MSN: variants seen among roughly 807,000 people sequenced by gnomAD.
MSN encodes the protein epididymis luminal protein 70.
In MSN, 2 loss-of-function variants were observed where a neutral mutation model predicts 48.0. The observed-to-expected ratio is 0.04, with a 90% CI of 0.02 to 0.13. The LOEUF (loss-of-function observed/expected upper bound fraction) is 0.13, where lower values mean the gene tolerates loss of function less well. Among genes scored for constraint, MSN ranks in the 10% least tolerant of loss-of-function variants. The pLI is 1.00. For missense variants in MSN, 267 were observed against 470.1 expected (o/e 0.57, Z 3.99); for synonymous variants, 146 against 166.9 (o/e 0.87, Z 0.97).
At chrX:65,600,395 G>T (rs1475434407) in intron 1 of MSN, among the ~76,000 whole-genome samples, 2 of 111,796 alleles carry the variant, frequency 1.8e-5, no homozygotes, top group Non-Finnish European at 3.8e-5. Flanking sequence ...TGGTTAAACT[G>T]ATCGGCTAAA....
intron 1 of MSN, among the ~76,000 whole-genome samples, chrX:65,593,676 C>T (rs999413360): frequency 2.7e-5 from 3 of 111,804 alleles, no homozygotes; most frequent in Non-Finnish European, 5.6e-5. Flanking sequence ...CTGAGTAGCT[C>T]GGATTACAGG....
chrX:65,593,697 C>A (rs2070165902), intron 1 of MSN, among the ~76,000 whole-genome samples: 1 of 111,763 alleles, frequency 8.9e-6, no homozygotes, highest in South Asian at 3.8e-4. Context: ...CGCATGCCAC[C>A]ACTCCCGGCT....
chrX:65,685,150 T>C (rs745501008), intron 1 of MSN, among the ~76,000 whole-genome samples: 3 of 112,558 alleles, frequency 2.7e-5, no homozygotes, highest in Non-Finnish European at 5.6e-5. Flanking sequence ...GAAGGTTTTC[T>C]GAAGATGTGA....
chrX:65,735,478 C>T (rs750799447), intron 8 of MSN, 48 bp downstream of exon 8: 1 of 1,157,242 alleles, frequency 8.6e-7, no homozygotes, highest in Non-Finnish European at 1.2e-6. Context: ...GGCAAGGAAG[C>T]TTCTCAAAGG....
At chrX:65,617,868 A>G (rs1415252649) in intron 1 of MSN, among the ~76,000 whole-genome samples, 2 of 109,237 alleles carry the variant, frequency 1.8e-5, no homozygotes, top group Non-Finnish European at 3.8e-5. Flanking sequence ...CCCTCTACAG[A>G]CTGCTTTGAA....
intron 1 of MSN, chrX:65,625,951 C>CCTTTTTTTTTTTTTTTTTT (rs2070500306): frequency 1.3e-5 from 1 of 78,096 alleles, no homozygotes; most frequent in African/African-American, 6.7e-5. Context: ...TTTAATACAG[C>CCTTTTTTTTTTTTTTTTTT]TTTTTTTTTT....
In MSN at chrX:65,740,010, T is replaced by A; in HGVS notation, c.*117T>A. ...ACTAACTAGAGCAGCCCTGGAGTCA[T>A]GCCAAGCATTTAATGTAGCCATGGG... On this transcript the variant is annotated 3_prime_UTR_variant, in exon 13 of 13. Coordinates refer to ENST00000360270, the MANE Select transcript of MSN (RefSeq NM_002444.3). 1 of 831,514 alleles carries A rather than the reference T, an allele frequency of 1.2e-6. No individual in the cohort carries two copies. The highest frequency in any genetic ancestry group is 2.0e-5 in the African/African-American group (1 of 49,386). The allele number at this position is 831,514 out of a possible 1,213,427, so 68.5% of individuals were successfully genotyped here.
At chrX:65,625,671 T>C (rs1019450775) in intron 1 of MSN, 1 of 111,918 alleles carries the variant, frequency 8.9e-6, no homozygotes, top group Non-Finnish European at 1.9e-5. Flanking sequence ...AAAGTGAGAC[T>C]GTTGTAGACA....
At chrX:65,725,577 T>TA (rs1300896967) in intron 2 of MSN, among the ~76,000 whole-genome samples, 1 of 111,560 alleles carries the variant, frequency 9.0e-6, no homozygotes, top group Non-Finnish European at 1.9e-5. Flanking sequence ...CAAGGTGCTT[T>TA]AAAAAAATCT....
intron 2 of MSN, among the ~76,000 whole-genome samples, chrX:65,722,404 CGTGTGTGTGT>C (rs55900091): frequency 0.023 from 2,146 of 94,658 alleles, 22 homozygotes; most frequent in Middle Eastern, 0.03. Flanking sequence ...CGTGCACGCT[CGTGTGTGTGT>C]GTGTGTGTGT....
intron 8 of MSN, 50 bp from the exon 9 acceptor site, chrX:65,736,744 CT>C (rs1312284491): frequency 7.0e-6 from 8 of 1,145,637 alleles, no homozygotes; most frequent in Non-Finnish European, 9.3e-6. Flanking sequence ...CCTCCCCAGG[CT>C]TTTGTGGAGC....
intron 1 of MSN, among the ~76,000 whole-genome samples, chrX:65,650,190 C>A (rs1422223390): frequency 9.4e-6 from 1 of 106,780 alleles, no homozygotes; most frequent in Non-Finnish European, 1.9e-5. Context: ...TGGGTTCAAG[C>A]GATTCTTGCA....
chrX:65,606,720 C>T (rs2070282180), intron 1 of MSN, among the ~76,000 whole-genome samples: 1 of 112,778 alleles, frequency 8.9e-6, no homozygotes, highest in African/African-American at 3.2e-5. Context: ...TGAGCCCAGG[C>T]TGATCATCAA....
At chrX:65,669,251 T>C (rs2070906671) in intron 1 of MSN, among the ~76,000 whole-genome samples, 1 of 110,836 alleles carries the variant, frequency 9.0e-6, no homozygotes, top group African/African-American at 3.3e-5. Flanking sequence ...AAATATCCCA[T>C]TGTCTGCCAA....
At chrX:65,632,498 A>C (rs2070566386) in intron 1 of MSN, among the ~76,000 whole-genome samples, 1 of 112,609 alleles carries the variant, frequency 8.9e-6, no homozygotes, top group Non-Finnish European at 1.9e-5. Flanking sequence ...TTTTATAAGA[A>C]ACTACCAAAC....
At chrX:65,673,558 G>A (rs939377872) in intron 1 of MSN, among the ~76,000 whole-genome samples, 1 of 110,174 alleles carries the variant, frequency 9.1e-6, no homozygotes, top group Non-Finnish European at 1.9e-5. Flanking sequence ...GGGTTCAAGC[G>A]ATTCTCCTGC....
At chrX:65,657,998 T>C (rs1167673830) in intron 1 of MSN, among the ~76,000 whole-genome samples, 2 of 112,419 alleles carry the variant, frequency 1.8e-5, no homozygotes, top group Non-Finnish European at 3.8e-5. Flanking sequence ...GAGGGTTACA[T>C]TGAGGTTAGA....
upstream of MSN, among the ~76,000 whole-genome samples, chrX:65,665,282 C>T (rs960923827): frequency 1.8e-5 from 2 of 111,568 alleles, no homozygotes; most frequent in South Asian, 7.5e-4. Context: ...CAGTTGAGTT[C>T]CTTGAACATC....
At chrX:65,593,754 G>A (rs2070166378) in intron 1 of MSN, among the ~76,000 whole-genome samples, 1 of 112,106 alleles carries the variant, frequency 8.9e-6, no homozygotes, top group African/African-American at 3.2e-5. Flanking sequence ...TGTTGCGCAG[G>A]CTGGTCTTGG....
Sources: gnomAD v4.1 joint callset for allele counts (sites outside exome capture counted in the v4.1 genomes callset) on GRCh38, gnomAD v4.1.1 for gene constraint, MANE v1.5 for transcripts, NCBI Gene and HGNC (gene_info 2026-07-23, HGNC 2026-07-21) for gene names.